The following SUDS3 variants were observed in gnomAD, a reference collection of about 807,000 sequenced individuals.
The protein encoded by SUDS3 is sin3 histone deacetylase corepressor complex component SDS3.
Under a neutral mutation model 53.5 loss-of-function variants are expected in SUDS3, and 23 were observed. The ratio of observed to expected loss-of-function variants is 0.43; its 90% CI spans 0.31 to 0.61. The LOEUF is 0.61. Among genes scored for constraint, SUDS3 ranks in the 20% least tolerant of loss-of-function variants. SUDS3 has a pLI of 0.10. For synonymous variants in SUDS3, 150 were observed against 148.5 expected (o/e 1.01, Z -0.08); for missense variants, 291 against 405.9 (o/e 0.72, Z 2.43).
rs1593774805 is a variant in SUDS3 at position 118,402,018 on chromosome 12, G to A, written c.697+14G>A. On this transcript the variant is annotated intron_variant, in intron 9 of 11. Transcript: ENST00000543473. ...CCAAGAGACCAGGTGAGTGCATGAT[G>A]TGTTGGCATTTGTGCAACCTTTTTA... The A allele has an allele frequency of 1.2e-6, 2 of 1,613,902 alleles. No individual in the cohort carries two copies. The highest frequency in any genetic ancestry group is 1.7e-6 in the Non-Finnish European group (2 of 1,179,826).
chr12:118,395,745 G>T lies in SUDS3; in HGVS notation c.517+4463G>T, dbSNP rs182876749. Among the ~76,000 whole-genome samples the T allele has an allele frequency of 3.9e-3, 592 of 152,214 alleles. 9 individuals are homozygous for T. Among genetic ancestry groups the T allele is most frequent in the Middle Eastern group, 0.01 (3 of 294 alleles). On this transcript the variant is annotated intron_variant, in intron 6 of 11. Coordinates refer to ENST00000543473, the MANE Select transcript of SUDS3 (RefSeq NM_022491.3). ...CTAGCTCTGTCACCCAGGCTGAAGTGCAGTGCCACGGTCTTGGCTCACTGT... is the reference window on the plus strand; with the variant it reads ...CTAGCTCTGTCACCCAGGCTGAAGTTCAGTGCCACGGTCTTGGCTCACTGT...
intron 10 of SUDS3, among the ~76,000 whole-genome samples, chr12:118,405,842 G>A (rs762804864): frequency 1.3e-4 from 20 of 152,130 alleles, no homozygotes; most frequent in Non-Finnish European, 2.2e-4. Context: ...TCTTTCTTTG[G>A]CAGACGTGGC....
rs894652759 is a variant in SUDS3, at chr12:118,417,908, A to T, written c.*3475A>T. 9.2e-5 allele frequency: 14 copies of T among 152,188 alleles called. No homozygotes were observed. Among genetic ancestry groups the T allele is most frequent in the Non-Finnish European group, 1.2e-4 (8 of 68,036 alleles). 9.4% of individuals were successfully genotyped at this position (152,188 alleles called of 1,614,324 possible). On this transcript the variant is annotated 3_prime_UTR_variant, in exon 12 of 12. Transcript: ENST00000543473. ...CTAATACTCAGTTTTGTAAAGAGCA[A>T]TCTGGGGTGTTGACCCTTAAATGTT...
chr12:118,380,606 C>G (rs1326077928), intron 2 of SUDS3, among the ~76,000 whole-genome samples: 1 of 152,170 alleles, frequency 6.6e-6, no homozygotes, highest in East Asian at 1.9e-4. Context: ...ATCAGTCTTC[C>G]CGTTATAAGA....
At chr12:118,379,407 A>G (rs1468558031) in intron 1 of SUDS3, among the ~76,000 whole-genome samples, 1 of 152,154 alleles carries the variant, frequency 6.6e-6, no homozygotes. Flanking sequence ...ACTGCACTCC[A>G]GCCTGGGCGA....
chr12:118,381,387 A>AT (rs1005781080), intron 2 of SUDS3, among the ~76,000 whole-genome samples: 86 of 139,534 alleles, frequency 6.2e-4, no homozygotes, highest in African/African-American at 2.1e-3. Flanking sequence ...GTATTTATTT[A>AT]TTTTTTTTGT....
rs1593754330 is a variant in SUDS3 at position 118,384,013 on chromosome 12, A to G, written c.214A>G (p.Met72Val). The G allele has an allele frequency of 6.2e-7, 1 of 1,609,280 alleles. No homozygotes were observed. Among genetic ancestry groups the G allele is most frequent in the Non-Finnish European group, 8.5e-7 (1 of 1,177,998 alleles). The change falls in exon 3 of 12, where the codon ATG (methionine) becomes GTG (valine). Residue 72 changes from methionine (M) to valine (V), a missense_variant and splice_region_variant. Coordinates refer to ENST00000543473, the MANE Select transcript of SUDS3 (RefSeq NM_022491.3). ...EEDYVEMKEQ[M>V]YQDKLASLKR... is the part of the protein sequence containing the mutation. ...AGTGTGACTTTTTTTTTTTTATAGG[A>G]TGTATCAGGACAAACTGGCTTCTCT...
chr12:118,383,403 A>G (rs1398357774), intron 2 of SUDS3, among the ~76,000 whole-genome samples: 1 of 152,258 alleles, frequency 6.6e-6, no homozygotes, highest in Admixed American at 6.5e-5. Context: ...GGAAAAAACT[A>G]ACATGCCAAA....
At chr12:118,388,831 A>T (rs571468531) in intron 4 of SUDS3, among the ~76,000 whole-genome samples, 1 of 152,162 alleles carries the variant, frequency 6.6e-6, no homozygotes, top group Non-Finnish European at 1.5e-5. Flanking sequence ...CTTACCACAT[A>T]TAGCCCTTCA....
chr12:118,400,369 C>G (rs1449634476), intron 6 of SUDS3, among the ~76,000 whole-genome samples: 1 of 152,072 alleles, frequency 6.6e-6, no homozygotes, highest in Non-Finnish European at 1.5e-5. Flanking sequence ...GGAGGAATAT[C>G]CCCTAGGTTT....
chr12:118,410,575 A>T (rs1021300225), intron 10 of SUDS3, among the ~76,000 whole-genome samples: 109 of 131,706 alleles, frequency 8.3e-4, no homozygotes, highest in African/African-American at 3.3e-3. Flanking sequence ...TTATTTATTT[A>T]TTTATTTTAT....
rs1375654306 is a variant in SUDS3, at chr12:118,416,998, T to TACAG, written c.*2566_*2569dup. ...TAGAGGCATCTGCCTCAAGTCTATG[T>TACAG]ACAGTGTTTGCTGCGGGTGTGTTCC... On this transcript the variant is annotated 3_prime_UTR_variant, in exon 12 of 12. Transcript: ENST00000543473. The TACAG allele has an allele frequency of 6.6e-6, 1 of 152,252 alleles. No homozygotes were observed. Among genetic ancestry groups the TACAG allele is most frequent in the African/African-American group, 2.4e-5 (1 of 41,460 alleles). 9.4% of individuals were successfully genotyped at this position (152,252 alleles called of 1,614,324 possible).
Position 118,400,880 on chromosome 12 carries a change from G to A in SUDS3, c.613+126G>A, listed in dbSNP as rs977650905. On this transcript the variant is annotated intron_variant, in intron 7 of 11. Coordinates refer to ENST00000543473, the MANE Select transcript of SUDS3 (RefSeq NM_022491.3). Reference sequence around the variant, plus strand: ...AAATAGTAACATTTAACTGGAAAGCGTGTGTTAAATGTTTGTCCACAGGTC... The same window carrying A: ...AAATAGTAACATTTAACTGGAAAGCATGTGTTAAATGTTTGTCCACAGGTC... 7.9e-5 allele frequency: 71 copies of A among 898,662 alleles called. 1 individual carries two copies. The highest frequency in any genetic ancestry group is 1.6e-4 in the Admixed American group (8 of 48,992). 55.7% of individuals were successfully genotyped at this position (898,662 alleles called of 1,614,324 possible). A position where few individuals can be genotyped will look rare whatever the true frequency, so the allele number is the denominator to read the frequency against.
Position 118,376,836 on chromosome 12 carries a change from G to A in SUDS3, c.142+3G>A, listed in dbSNP as rs1291330973. ...TCGGGGCCGCGAGTCGGACGAAGGT[G>A]AGTCCTGCCGCTCGCCCGGCCGCCC... On this transcript the variant is annotated splice_donor_region_variant and intron_variant, in intron 1 of 11. Transcript: ENST00000543473. 4 of 1,529,910 alleles carry A rather than the reference G, an allele frequency of 2.6e-6. No individual in the cohort carries two copies. Among genetic ancestry groups the A allele is most frequent in the Non-Finnish European group, 3.5e-6 (4 of 1,145,576 alleles). 94.8% of individuals were successfully genotyped at this position (1,529,910 alleles called of 1,614,324 possible).
intron 6 of SUDS3, 45 bp downstream of exon 6, chr12:118,391,327 G>A: frequency 6.4e-7 from 1 of 1,556,946 alleles, no homozygotes; most frequent in South Asian, 1.2e-5. Flanking sequence ...CCTGAGCGGG[G>A]GGGTGTGAAG....
rs2046383692 is a variant in SUDS3 at position 118,414,465 on chromosome 12, T to C, written c.*32T>C. The C allele has an allele frequency of 2.7e-6, 4 of 1,483,666 alleles. No individual in the cohort carries two copies. The South Asian group carries it at 5.1e-5, about 19-fold the overall frequency. 91.9% of individuals were successfully genotyped at this position (1,483,666 alleles called of 1,614,324 possible). On this transcript the variant is annotated 3_prime_UTR_variant, in exon 12 of 12. Coordinates refer to ENST00000543473, the MANE Select transcript of SUDS3 (RefSeq NM_022491.3). ...ACAGTGCTCTTCTCTTGACCCTTTT[T>C]CTGGAGTGGGTTTTATTTTTGTTTT...
chr12:118,396,730 A>G (rs965544873), intron 6 of SUDS3, among the ~76,000 whole-genome samples: 3 of 152,258 alleles, frequency 2.0e-5, no homozygotes, highest in African/African-American at 7.2e-5. Flanking sequence ...AGAGAAGTGC[A>G]CAGCAAAAGG....
chr12:118,406,524 T>C (rs2046310036), intron 10 of SUDS3, among the ~76,000 whole-genome samples: 1 of 152,232 alleles, frequency 6.6e-6, no homozygotes, highest in Non-Finnish European at 1.5e-5. Context: ...ATTTCTAGTT[T>C]TGTTCGGTTT....
At chr12:118,389,809 C>G in intron 4 of SUDS3, 118 bp from the exon 5 acceptor site, 1 of 1,236,214 alleles carries the variant, frequency 8.1e-7, no homozygotes, top group Admixed American at 1.9e-5. Flanking sequence ...CTGATGAAAA[C>G]ATTTGCTTTG....
Sources: gnomAD v4.1 joint callset for allele counts (sites outside exome capture counted in the v4.1 genomes callset) on GRCh38, gnomAD v4.1.1 for gene constraint, MANE v1.5 for transcripts, NCBI Gene and HGNC (gene_info 2026-07-23, HGNC 2026-07-21) for gene names.